The following EXOC6 variants were observed in gnomAD, a reference collection of about 807,000 sequenced individuals.
EXOC6 encodes SEC15-like 1.
A neutral mutation model predicts 112.5 loss-of-function variants in EXOC6; 60 were observed. The ratio of observed to expected loss-of-function variants is 0.53; its 90% CI spans 0.43 to 0.66. EXOC6 has a LOEUF of 0.66. Ranked by LOEUF, EXOC6 falls within the 30% of genes least tolerant of loss-of-function variation. EXOC6 has a pLI of 0.00. For synonymous variants in EXOC6, 295 were observed against 308.0 expected, an observed-to-expected ratio of 0.96 and a Z score of 0.44; for missense variants, 855 against 957.1, an observed-to-expected ratio of 0.89 and a Z score of 1.41.
At chr10:92,854,435 CAA>C (rs888415320) in intron 1 of EXOC6, among the ~76,000 whole-genome samples, 14 of 112,052 alleles carry the variant, frequency 1.2e-4, no homozygotes, top group African/African-American at 1.3e-4. Context: ...GACTCCATCT[CAA>C]AAAAAAAAAA....
intron 1 of EXOC6, among the ~76,000 whole-genome samples, chr10:92,865,919 C>G (rs781016259): frequency 4.6e-5 from 7 of 151,994 alleles, no homozygotes; most frequent in Non-Finnish European, 1.0e-4. Flanking sequence ...TTAATATCCA[C>G]TAAGTGGAAG....
intron 20 of EXOC6, among the ~76,000 whole-genome samples, chr10:93,038,748 A>G (rs1845633624): frequency 6.6e-6 from 1 of 152,190 alleles, no homozygotes. Flanking sequence ...TATGAAATAT[A>G]ATTTAGCTCA....
chr10:92,840,527 A>G (rs1362200496), intron 1 of EXOC6, among the ~76,000 whole-genome samples: 1 of 152,230 alleles, frequency 6.6e-6, no homozygotes, highest in Non-Finnish European at 1.5e-5. Flanking sequence ...CTTAATAAAT[A>G]CATACTTTAG....
chr10:92,891,426 A>G (rs1274262815), intron 1 of EXOC6, among the ~76,000 whole-genome samples: 1 of 152,200 alleles, frequency 6.6e-6, no homozygotes, highest in Admixed American at 6.5e-5. Flanking sequence ...AATTAAAAAA[A>G]TTAAAATTTA....
intron 20 of EXOC6, among the ~76,000 whole-genome samples, chr10:93,016,838 G>A (rs1022723710): frequency 1.3e-5 from 2 of 149,252 alleles, no homozygotes; most frequent in Admixed American, 1.3e-4. Flanking sequence ...TTGAGATGGC[G>A]TCTCGCTCTT....
chr10:92,891,848 A>C (rs754777838), intron 1 of EXOC6, among the ~76,000 whole-genome samples: 1 of 152,208 alleles, frequency 6.6e-6, no homozygotes, highest in African/African-American at 2.4e-5. Flanking sequence ...GAGTGTATTC[A>C]TTAAAAACCT....
chr10:92,986,938 C>T (rs759653872), intron 18 of EXOC6, among the ~76,000 whole-genome samples: 2 of 151,900 alleles, frequency 1.3e-5, no homozygotes, highest in Non-Finnish European at 2.9e-5. Flanking sequence ...TTGCTATTCA[C>T]TCCTTAGGGG....
At chr10:92,949,310 A>T (rs1310353484) in intron 14 of EXOC6, among the ~76,000 whole-genome samples, 2 of 152,228 alleles carry the variant, frequency 1.3e-5, no homozygotes, top group Non-Finnish European at 2.9e-5. Flanking sequence ...CACTAAATAC[A>T]GAACCAGGTA....
chr10:92,947,829 G>A (rs1425121731), intron 13 of EXOC6, among the ~76,000 whole-genome samples: 2 of 151,488 alleles, frequency 1.3e-5, no homozygotes, highest in Non-Finnish European at 2.9e-5. Flanking sequence ...ACTTGAACCT[G>A]GGAGATGGAG....
chr10:92,909,823 A>C (rs909567895), intron 6 of EXOC6, among the ~76,000 whole-genome samples, 192 bp downstream of exon 6: 6 of 152,084 alleles, frequency 3.9e-5, no homozygotes, highest in African/African-American at 1.4e-4. Flanking sequence ...TTTTTAAGTA[A>C]AATCAGTCTA....
At chr10:92,929,532 A>G (rs1009313527) in intron 9 of EXOC6, among the ~76,000 whole-genome samples, 1 of 152,234 alleles carries the variant, frequency 6.6e-6, no homozygotes, top group African/African-American at 2.4e-5. Flanking sequence ...AATAGATTCT[A>G]AAAGACTCGA....
intron 1 of EXOC6, among the ~76,000 whole-genome samples, chr10:92,888,138 G>A (rs1012454801): frequency 6.6e-6 from 1 of 152,028 alleles, no homozygotes; most frequent in African/African-American, 2.4e-5. Context: ...GGAACTTACG[G>A]TTCTATTTTT....
chr10:93,000,977 T>C (rs1297972102), intron 19 of EXOC6, among the ~76,000 whole-genome samples: 1 of 152,250 alleles, frequency 6.6e-6, no homozygotes, highest in Non-Finnish European at 1.5e-5. Flanking sequence ...GTTTTCATGT[T>C]AAGTATTTCT....
chr10:92,938,330 A>G (rs1297096018), intron 12 of EXOC6, among the ~76,000 whole-genome samples: 1 of 152,092 alleles, frequency 6.6e-6, no homozygotes, highest in Non-Finnish European at 1.5e-5. Flanking sequence ...CAGTATTTTC[A>G]TTTCACTCAA....
chr10:92,956,391 TA>T (rs1249482651), intron 17 of EXOC6, among the ~76,000 whole-genome samples: 1 of 152,144 alleles, frequency 6.6e-6, no homozygotes. Context: ...AATTTAACCT[TA>T]CAGCTCTTTC....
chr10:92,864,344 A>G (rs1054767032), intron 1 of EXOC6, among the ~76,000 whole-genome samples: 1 of 152,234 alleles, frequency 6.6e-6, no homozygotes, highest in Non-Finnish European at 1.5e-5. Context: ...GCAGATATAC[A>G]TCATTTTCCA....
chr10:92,843,845 G>A (rs1846947164), upstream of EXOC6, among the ~76,000 whole-genome samples: 2 of 152,012 alleles, frequency 1.3e-5, no homozygotes, highest in Non-Finnish European at 2.9e-5. Flanking sequence ...AAAATTAGCC[G>A]GGCGTGGTGG....
intron 1 of EXOC6, among the ~76,000 whole-genome samples, chr10:92,890,467 G>A (rs1849441555): frequency 6.6e-6 from 1 of 152,124 alleles, no homozygotes; most frequent in Non-Finnish European, 1.5e-5. Flanking sequence ...TAGGGCTGGG[G>A]ATGCAATAGG....
At chr10:92,957,519 A>T (rs1300854639) in intron 17 of EXOC6, among the ~76,000 whole-genome samples, 1 of 152,188 alleles carries the variant, frequency 6.6e-6, no homozygotes, top group African/African-American at 2.4e-5. Flanking sequence ...CATAACTATC[A>T]TTGCATACTC....
Sources: gnomAD v4.1 joint callset for allele counts (sites outside exome capture counted in the v4.1 genomes callset) on GRCh38, gnomAD v4.1.1 for gene constraint, MANE v1.5 for transcripts, NCBI Gene and HGNC (gene_info 2026-07-23, HGNC 2026-07-21) for gene names.